DHX36: variants seen among roughly 807,000 people sequenced by gnomAD.
DHX36 encodes ATP-dependent DNA/RNA helicase DHX36.
A neutral mutation model predicts 139.0 loss-of-function variants in DHX36; 50 were observed. That is an observed-to-expected ratio of 0.36 (90% CI 0.29 to 0.46). The LOEUF is 0.46. Among genes scored for constraint, DHX36 ranks in the 20% least tolerant of loss-of-function variants. The probability of loss-of-function intolerance (pLI) is 1.00; values close to 1 mark genes in which losing one functional copy is unlikely to be tolerated. For missense variants in DHX36, 1,024 were observed against 1,211.3 expected, an observed-to-expected ratio of 0.85 and a Z score of 2.29; for synonymous variants, 425 against 401.9, an observed-to-expected ratio of 1.06 and a Z score of -0.69.
intron 8 of DHX36, among the ~76,000 whole-genome samples, chr3:154,304,384 G>A (rs1160361823): frequency 6.6e-6 from 1 of 152,140 alleles, no homozygotes; most frequent in African/African-American, 2.4e-5. Context: ...ACCTCATAAA[G>A]TGTTATAAAG....
chr3:154,289,876 G>T, intron 15 of DHX36, 50 bp from the exon 16 acceptor site: 1 of 1,201,794 alleles, frequency 8.3e-7, no homozygotes, highest in South Asian at 1.4e-5. Context: ...AGTCATCAAT[G>T]ACTTTTTAGA....
At chr3:154,319,543 G>A (rs1464043653) in intron 1 of DHX36, among the ~76,000 whole-genome samples, 1 of 152,098 alleles carries the variant, frequency 6.6e-6, no homozygotes, top group African/African-American at 2.4e-5. Flanking sequence ...TGTTATAAAA[G>A]AAGTGCATTT....
rs1387213583 is a variant in DHX36 at position 154,295,317 on chromosome 3, T to C, written c.1572A>G (p.Leu524=). 13 of 1,538,756 alleles carry C rather than the reference T, an allele frequency of 8.4e-6. No individual in the cohort carries two copies. The highest frequency in any genetic ancestry group is 1.1e-5 in the Non-Finnish European group (13 of 1,132,664). Residue 524 remains leucine (L), a synonymous_variant, in exon 13 of 25, where the codon TTA becomes TTG. Transcript: ENST00000496811. ...FKSDKFLIIP[L]HSLMPTVNQT... is the part of the protein sequence containing the mutation. ...GGTTAACTGTAGGCATCAGTGAATG[T>C]AAAGGTATAATTAAAAATTTATCTG...
chr3:154,305,759 T>C (rs568522831), intron 6 of DHX36, among the ~76,000 whole-genome samples: 29 of 152,182 alleles, frequency 1.9e-4, no homozygotes, highest in Non-Finnish European at 4.0e-4. Flanking sequence ...AGTGAGAACC[T>C]ATCTCTAAAA....
chr3:154,296,261 T>A (rs1576867105), intron 12 of DHX36, among the ~76,000 whole-genome samples: 1 of 152,026 alleles, frequency 6.6e-6, no homozygotes, highest in Non-Finnish European at 1.5e-5. Context: ...GATCACGAGG[T>A]CAGGAGATCA....
At chr3:154,308,241 A>C (rs1256214694) in intron 5 of DHX36, among the ~76,000 whole-genome samples, 3 of 152,210 alleles carry the variant, frequency 2.0e-5, no homozygotes, top group African/African-American at 7.2e-5. Flanking sequence ...AAAGGGGTGA[A>C]GTCTACTGCT....
At chr3:154,318,485 G>T (rs1346851559) in intron 1 of DHX36, among the ~76,000 whole-genome samples, 1 of 151,914 alleles carries the variant, frequency 6.6e-6, no homozygotes, top group Non-Finnish European at 1.5e-5. Context: ...CAGCACAAAA[G>T]ATTATTCTAA....
intron 17 of DHX36, among the ~76,000 whole-genome samples, chr3:154,285,350 T>C (rs186165516): frequency 1.1e-3 from 166 of 152,286 alleles, no homozygotes; most frequent in Non-Finnish European, 1.6e-3. Flanking sequence ...GCACACTCTC[T>C]AGATTCTAGT....
At chr3:154,302,577 T>C (rs1712339996) in intron 9 of DHX36, among the ~76,000 whole-genome samples, 1 of 152,136 alleles carries the variant, frequency 6.6e-6, no homozygotes, top group South Asian at 2.1e-4. Context: ...TACTGAAAGC[T>C]GTGAAAATAC....
intron 14 of DHX36, among the ~76,000 whole-genome samples, chr3:154,293,122 TA>T (rs1711887760): frequency 6.6e-6 from 1 of 152,060 alleles, no homozygotes; most frequent in South Asian, 2.1e-4. Flanking sequence ...CAAGAACATT[TA>T]AAGGCTGGAT....
intron 2 of DHX36, 33 bp from the exon 3 acceptor site, chr3:154,315,313 C>A: frequency 1.3e-6 from 2 of 1,496,008 alleles, no homozygotes; most frequent in South Asian, 1.2e-5. Flanking sequence ...GAAGAAAGGT[C>A]AGATGAGCCA....
At chr3:154,279,651 C>T (rs1719270357) in intron 22 of DHX36, 1 of 152,226 alleles carries the variant, frequency 6.6e-6, no homozygotes, top group Non-Finnish European at 1.5e-5. Context: ...TCTCCAGACA[C>T]TTTCCAATGT....
chr3:154,301,053 T>G lies in DHX36; in HGVS notation c.1292A>C (p.Glu431Ala). 6.2e-7 allele frequency: 1 copy of G among 1,613,624 alleles called. No individual in the cohort carries two copies. The highest frequency in any genetic ancestry group is 8.5e-7 in the Non-Finnish European group (1 of 1,179,932). The change falls in exon 10 of 25, where the codon GAA becomes GCA. Residue 431 changes from glutamate (E) to alanine (A), a missense_variant. By Grantham distance (107) the Glu-to-Ala change is moderately radical. Transcript: ENST00000496811. ...ATATATTGCTTCTTTTTCTTCTTTT[T>G]CTTGTCTATTTACATGCCCTTGCAT... The part of the protein sequence containing the change: ...GFMQGHVNRQ[E>A]KEEKEAIYKE...
intron 20 of DHX36, among the ~76,000 whole-genome samples, chr3:154,281,322 G>A (rs1576855790): frequency 6.6e-6 from 1 of 151,234 alleles, no homozygotes; most frequent in Admixed American, 6.6e-5. Flanking sequence ...TTCTATTACT[G>A]AGAATTAAAT....
chr3:154,289,648 C>G, intron 16 of DHX36, 61 bp downstream of exon 16: 1 of 993,738 alleles, frequency 1.0e-6, no homozygotes, highest in Admixed American at 1.8e-5. Context: ...CTTTGTTCTA[C>G]AAAAGATGTT....
At chr3:154,309,972 G>C (rs1386646365) in intron 4 of DHX36, 149 bp from the exon 5 acceptor site, 2 of 590,274 alleles carry the variant, frequency 3.4e-6, no homozygotes, top group South Asian at 2.7e-5. Flanking sequence ...TGGCAGTTTG[G>C]ATATCTGGAT....
rs1239814951 is a variant in DHX36 at position 154,283,173 on chromosome 3, AAC to A, written c.2376+13_2376+14del. ...CTAGCATATATGATAATTACTGCAA[AAC>A]ATTCACCATTACCTGCAGTGTGTTT... is the stretch of plus-strand genomic sequence containing the variant. On this transcript the variant is annotated intron_variant, in intron 20 of 24. Coordinates refer to ENST00000496811, the MANE Select transcript of DHX36 (RefSeq NM_020865.3). 1 of 1,585,102 alleles carries A rather than the reference AAC, an allele frequency of 6.3e-7. No individual in the cohort carries two copies. Among genetic ancestry groups the A allele is most frequent in the African/African-American group, 1.3e-5 (1 of 74,324 alleles).
chr3:154,287,274 T>A (rs895072385), intron 17 of DHX36, among the ~76,000 whole-genome samples: 12 of 152,210 alleles, frequency 7.9e-5, no homozygotes, highest in Non-Finnish European at 1.6e-4. Flanking sequence ...AAATTTTTTT[T>A]AAATGTATCT....
chr3:154,310,641 C>G (rs563637079), intron 4 of DHX36, among the ~76,000 whole-genome samples: 1 of 149,666 alleles, frequency 6.7e-6, no homozygotes, highest in Non-Finnish European at 1.5e-5. Flanking sequence ...ATTAGCTGGG[C>G]GTGGTGGGTG....
Sources: gnomAD v4.1 joint callset for allele counts (sites outside exome capture counted in the v4.1 genomes callset) on GRCh38, gnomAD v4.1.1 for gene constraint, MANE v1.5 for transcripts, NCBI Gene and HGNC (gene_info 2026-07-23, HGNC 2026-07-21) for gene names.